METRNL: variants seen among roughly 807,000 people sequenced by gnomAD.
The protein encoded by METRNL is meteorin like, glial cell differentiation regulator, also known as meteorin-like protein.
A neutral mutation model predicts 17.4 loss-of-function variants in METRNL; 9 were observed. The observed-to-expected ratio is 0.52, with a 90% CI of 0.31 to 0.90. The LOEUF (loss-of-function observed/expected upper bound fraction) is 0.90, where lower values mean the gene tolerates loss of function less well. Among genes scored for constraint, METRNL ranks in the 40% least tolerant of loss-of-function variants. The pLI is 0.05. For synonymous variants in METRNL, 215 were observed against 199.3 expected (o/e 1.08, Z -0.66); for missense variants, 408 against 430.7 (o/e 0.95, Z 0.47).
intron 2 of METRNL, among the ~76,000 whole-genome samples, chr17:83,087,341 A>G (rs2038063608): frequency 6.6e-6 from 1 of 152,034 alleles, no homozygotes; most frequent in Admixed American, 6.5e-5. Flanking sequence ...GGATCCTCGG[A>G]ACTGACAGGG....
chr17:83,081,232 G>A (rs965354188), intron 1 of METRNL, among the ~76,000 whole-genome samples: 2 of 151,862 alleles, frequency 1.3e-5, no homozygotes, highest in Non-Finnish European at 2.9e-5. Context: ...CGAGGCCGAC[G>A]GCTCTTCTGG....
In METRNL at chr17:83,094,467, C is replaced by G. The variant is rs1217555949; in HGVS notation, c.828C>G (p.His276Gln). ...ACTTCCTCTTCACTGGCCACATGCACTTCGGGGAGGCGCGGCTCGGCTGTG... is the reference window on the plus strand; with the variant it reads ...ACTTCCTCTTCACTGGCCACATGCAGTTCGGGGAGGCGCGGCTCGGCTGTG... ...HGDFLFTGHM[H>Q]FGEARLGCAP... Residue 276 changes from histidine to glutamine, a missense_variant, in exon 4 of 4, where the codon CAC (histidine) becomes CAG (glutamine). Physicochemically the swap from His to Gln is conservative, Grantham distance 24. Transcript: ENST00000320095. The G allele has an allele frequency of 3.8e-6, 6 of 1,588,172 alleles. No individual in the cohort carries two copies. The highest frequency in any genetic ancestry group is 5.2e-6 in the Non-Finnish European group (6 of 1,161,376).
At chr17:83,090,641 C>T (rs1047571473) in intron 2 of METRNL, among the ~76,000 whole-genome samples, 1 of 150,394 alleles carries the variant, frequency 6.6e-6, no homozygotes, top group African/African-American at 2.5e-5. Context: ...GGGTGCTGCT[C>T]AGTGAGGGGA....
chr17:83,093,878 T>C (rs2038170256), intron 3 of METRNL, among the ~76,000 whole-genome samples: 1 of 152,178 alleles, frequency 6.6e-6, no homozygotes, highest in Admixed American at 6.6e-5. Flanking sequence ...GGCAGGGGTC[T>C]CCAAGTGTGG....
intron 1 of METRNL, 53 bp downstream of exon 1, chr17:83,080,038 C>A (rs1198023971): frequency 2.0e-6 from 2 of 987,788 alleles, no homozygotes; most frequent in African/African-American, 1.8e-5. Context: ...GCGTCCCCTC[C>A]CGTCCCGGGC....
Position 83,085,057 on chromosome 17 carries a change from CCTT to C in METRNL, c.293_295del (p.Phe98del). The C allele has an allele frequency of 1.9e-6, 3 of 1,613,940 alleles. No individual in the cohort carries two copies. Among genetic ancestry groups the C allele is most frequent in the Admixed American group, 1.7e-5 (1 of 60,022 alleles). On this transcript the variant is annotated inframe_deletion, in exon 2 of 4. Transcript: ENST00000320095. ...CTCATCGTTAACCTGCGGCCCAACACCTTCTCGCCTGCCCGGCACCTGACCGTG... is the reference window on the plus strand; with the variant it reads ...CTCATCGTTAACCTGCGGCCCAACACCTCGCCTGCCCGGCACCTGACCGTG...
At position 83,085,945 on chromosome 17, in the gene METRNL, C is replaced by T. The variant is rs563978020; in HGVS notation, c.556+622C>T. 3.3e-5 allele frequency among the ~76,000 whole-genome samples: 5 copies of T among 152,344 alleles called. 1 individual carries two copies. Among genetic ancestry groups the T allele is most frequent in the South Asian group, 4.1e-4 (2 of 4,826 alleles). ...GACGCCCAGAACATGGGGCCACCCC[C>T]GTCCCAGAGGGGTCTTGTGGGTACG... On this transcript the variant is annotated intron_variant, in intron 2 of 3. Transcript: ENST00000320095.
Position 83,085,237 on chromosome 17 carries a change from C to A in METRNL, c.470C>A (p.Pro157Gln). The stretch of plus-strand genomic sequence containing the variant: ...GGCGGCCTGTTCGTGGAGGCCACGC[C>A]GCAGCAGGATATCGGCCGGAGGACC... ...EQGGLFVEAT[P>Q]QQDIGRRTTG... is the part of the protein sequence containing the mutation. The change falls in exon 2 of 4, where the codon CCG (proline) becomes CAG (glutamine). Residue 157 changes from proline (P) to glutamine (Q), a missense_variant. Pro to Gln is a moderately conservative substitution (Grantham distance 76). Coordinates refer to ENST00000320095, the MANE Select transcript of METRNL (RefSeq NM_001004431.3). The A allele has an allele frequency of 6.3e-7, 1 of 1,588,384 alleles. No homozygotes were observed. The highest frequency in any genetic ancestry group is 8.6e-7 in the Non-Finnish European group (1 of 1,165,958).
Position 83,094,544 on chromosome 17 carries a change from G to A in METRNL, c.905G>A (p.Gly302Glu), listed in dbSNP as rs1254282275. The A allele has an allele frequency of 1.5e-5, 23 of 1,510,902 alleles. No homozygotes were observed. Among genetic ancestry groups the A allele is most frequent in the Non-Finnish European group, 2.0e-5 (23 of 1,124,748 alleles). The allele number at this position is 1,510,902 out of a possible 1,614,324, so 93.6% of individuals were successfully genotyped here. Residue 302 changes from glycine to glutamate, a missense_variant, in exon 4 of 4, where the codon GGG (glycine) becomes GAG (glutamate). By Grantham distance (98) the Gly-to-Glu change is moderately conservative. Transcript: ENST00000320095. ...QRMYRDAQERGLNPCEVGTD is the reference protein window; with the variant it reads ...QRMYRDAQERELNPCEVGTD ...ATGTACAGGGATGCCCAGGAGAGGG[G>A]GCTGAACCCTTGTGAGGTTGGCACG... is the stretch of plus-strand genomic sequence containing the variant.
intron 2 of METRNL, among the ~76,000 whole-genome samples, chr17:83,088,536 GC>G (rs1368635642): frequency 6.6e-6 from 1 of 152,108 alleles, no homozygotes; most frequent in African/African-American, 2.4e-5. Context: ...TCTGTGTAAG[GC>G]CCCCCAATGC....
At chr17:83,084,852 G>A (rs919426153) in intron 1 of METRNL, 86 bp from the exon 2 acceptor site, 9 of 1,505,764 alleles carry the variant, frequency 6.0e-6, no homozygotes, top group African/African-American at 1.4e-5. Context: ...TTTGGAGCGG[G>A]TATCGTCCTC....
At chr17:83,090,765 G>C (rs138581506) in intron 2 of METRNL, among the ~76,000 whole-genome samples, 2 of 151,782 alleles carry the variant, frequency 1.3e-5, no homozygotes, top group Admixed American at 6.5e-5. Flanking sequence ...CCTGTGGTAC[G>C]GGGCAGGTGC....
chr17:83,093,345 C>G, intron 3 of METRNL, 119 bp downstream of exon 3: 1 of 819,538 alleles, frequency 1.2e-6, no homozygotes, highest in Non-Finnish European at 2.0e-6. Context: ...TGCGTGGACC[C>G]TCCTGGAGGG....
intron 1 of METRNL, chr17:83,082,143 G>T: frequency 1.0e-6 from 1 of 985,446 alleles, no homozygotes; most frequent in Non-Finnish European, 1.2e-6. Flanking sequence ...TTATCAGCCA[G>T]TGCTCATAAA....
Position 83,079,725 on chromosome 17 carries a change from A to T in METRNL, c.-91A>T. 1 of 510,174 alleles carries T rather than the reference A, an allele frequency of 2.0e-6. No homozygotes were observed. The highest frequency in any genetic ancestry group is 2.5e-6 in the Non-Finnish European group (1 of 403,372). The allele number at this position is 510,174 out of a possible 1,614,324, so 31.6% of individuals were successfully genotyped here. On this transcript the variant is annotated 5_prime_UTR_variant, in exon 1 of 4. In the 5' UTR this introduces an upstream ATG that the reference lacks. Transcript: ENST00000320095. ...GCGCGACGTGACCACCCGGACTCGA[A>T]GCCCGCCCCGCCCCCGCCCGGCTCG...
rs535046234 is a variant in METRNL at position 83,090,063 on chromosome 17, C to T, written c.557-3104C>T. Among the ~76,000 whole-genome samples the T allele has an allele frequency of 1.6e-3, 250 of 152,128 alleles. 1 individual carries two copies. Among genetic ancestry groups the T allele is most frequent in the Admixed American group, 5.0e-3 (76 of 15,300 alleles). ...CGAAGTGCTAGGGCTTGCATACCCT[C>T]ACGCGCCCAGGCCCCGGGGTGGGAC... On this transcript the variant is annotated intron_variant, in intron 2 of 3. Coordinates refer to ENST00000320095, the MANE Select transcript of METRNL (RefSeq NM_001004431.3).
intron 2 of METRNL, among the ~76,000 whole-genome samples, chr17:83,092,070 C>T (rs1043770069): frequency 1.3e-5 from 2 of 152,190 alleles, no homozygotes; most frequent in Non-Finnish European, 2.9e-5. Flanking sequence ...TTGGCCGGTA[C>T]GGGAGCTCAT....
At chr17:83,090,813 C>T (rs1031797364) in intron 2 of METRNL, among the ~76,000 whole-genome samples, 1 of 152,018 alleles carries the variant, frequency 6.6e-6, no homozygotes, top group Non-Finnish European at 1.5e-5. Context: ...AAAAGTGCTG[C>T]CTGAAATTTG....
At chr17:83,087,978 T>C (rs8077967) in intron 2 of METRNL, among the ~76,000 whole-genome samples, 109,143 of 152,158 alleles carry the variant, frequency 0.72, 39,701 homozygotes, top group East Asian at 0.93. Flanking sequence ...TGGGTTTCGT[T>C]GGTGTGATCG....
Sources: gnomAD v4.1 joint callset for allele counts (sites outside exome capture counted in the v4.1 genomes callset) on GRCh38, gnomAD v4.1.1 for gene constraint, MANE v1.5 for transcripts, NCBI Gene and HGNC (gene_info 2026-07-23, HGNC 2026-07-21) for gene names.